Variants in RAD51B observed in about 807,000 individuals in gnomAD.
RAD51B encodes the protein RAD51 paralog B.
A neutral mutation model predicts 42.2 loss-of-function variants in RAD51B; 38 were observed. That is an observed-to-expected ratio of 0.90 (90% CI 0.70 to 1.18). The LOEUF is 1.18. Among genes scored for constraint, RAD51B ranks in the 50% most tolerant of loss-of-function variants. The pLI, the probability that RAD51B is intolerant of heterozygous loss-of-function variation, is 0.00. For missense variants in RAD51B, 373 were observed against 400.7 expected (o/e 0.93, Z 0.59); for synonymous variants, 154 against 145.2 (o/e 1.06, Z -0.43).
intron 7 of RAD51B, among the ~76,000 whole-genome samples, chr14:68,231,430 T>A (rs533910503): frequency 6.6e-6 from 1 of 152,266 alleles, no homozygotes; most frequent in South Asian, 2.1e-4. Flanking sequence ...TTCCTGAAAT[T>A]CCCTCCTTTT....
intron 7 of RAD51B, among the ~76,000 whole-genome samples, chr14:68,154,853 G>C (rs56203256): frequency 3.3e-5 from 5 of 152,162 alleles, no homozygotes; most frequent in African/African-American, 7.2e-5. Flanking sequence ...AAAGTGCTCA[G>C]AGATCTTCCT....
rs1012820255 is a variant in RAD51B at position 68,584,899 on chromosome 14, G to A, written c.1037-9586G>A. On this transcript the variant is annotated intron_variant, in intron 10 of 10. Transcript: ENST00000487270. ...TTCTGAACATGAGGAAACCGAGAGA[G>A]AGGAAGGTTGTTGTAACTTGCCAGG... 3.9e-5 allele frequency among the ~76,000 whole-genome samples: 6 copies of A among 152,344 alleles called. No individual in the cohort carries two copies. The East Asian group carries it at 1.2e-3, about 29-fold the overall frequency.
chr14:67,960,530 A>G (rs2074642226), intron 7 of RAD51B, among the ~76,000 whole-genome samples: 2 of 152,236 alleles, frequency 1.3e-5, no homozygotes, highest in Non-Finnish European at 2.9e-5. Flanking sequence ...TAGCATCAAC[A>G]TGAGTTTAGA....
At chr14:68,059,744 G>A (rs529742928) in intron 7 of RAD51B, among the ~76,000 whole-genome samples, 7 of 152,252 alleles carry the variant, frequency 4.6e-5, no homozygotes, top group Admixed American at 2.0e-4. Context: ...AGTTGTACAT[G>A]TCTTTTTCCC....
At chr14:67,904,591 A>G (rs1050528863) in intron 7 of RAD51B, among the ~76,000 whole-genome samples, 4 of 149,580 alleles carry the variant, frequency 2.7e-5, no homozygotes, top group African/African-American at 9.9e-5. Context: ...GCTCACTGCA[A>G]TCTCTGCCTC....
At chr14:67,968,980 T>C (rs1339144478) in intron 7 of RAD51B, among the ~76,000 whole-genome samples, 1 of 152,026 alleles carries the variant, frequency 6.6e-6, no homozygotes, top group Non-Finnish European at 1.5e-5. Flanking sequence ...AGAATCATGG[T>C]GGGAGGTGAA....
intron 8 of RAD51B, among the ~76,000 whole-genome samples, chr14:68,363,825 T>G (rs2083083299): frequency 6.6e-6 from 1 of 152,208 alleles, no homozygotes. Flanking sequence ...TCAACCACTG[T>G]GCTTCTGTGT....
rs774445854 is a variant in RAD51B, at chr14:68,411,532, G to C, written c.957+5G>C. ...CTTGATTCAGAGAGAAGACAGGTGG[G>C]TGCTTTGACAGTATTCTCTGACTAT... On this transcript the variant is annotated splice_donor_5th_base_variant and intron_variant, in intron 9 of 10. Coordinates refer to ENST00000471583, the MANE Select transcript of RAD51B (RefSeq NM_133510.4). 8.1e-6 allele frequency: 13 copies of C among 1,611,654 alleles called. No individual in the cohort carries two copies. The Middle Eastern group carries it at 1.2e-3, about 143-fold the overall frequency.
At chr14:67,957,941 G>A (rs1291480533) in intron 7 of RAD51B, among the ~76,000 whole-genome samples, 1 of 152,062 alleles carries the variant, frequency 6.6e-6, no homozygotes, top group Non-Finnish European at 1.5e-5. Context: ...AGTAGGATCA[G>A]GAAACAAAAG....
chr14:67,968,635 C>G (rs1224449804), intron 7 of RAD51B, among the ~76,000 whole-genome samples: 1 of 152,172 alleles, frequency 6.6e-6, no homozygotes, highest in Non-Finnish European at 1.5e-5. Context: ...CAACAGGTCC[C>G]TCATCTCCAT....
chr14:68,237,656 C>T (rs2080288109), intron 7 of RAD51B, among the ~76,000 whole-genome samples: 1 of 151,058 alleles, frequency 6.6e-6, no homozygotes, highest in East Asian at 1.9e-4. Flanking sequence ...TTTTTTTCTG[C>T]TTTTTAGCTA....
At chr14:68,440,227 G>C (rs35002968) in intron 9 of RAD51B, among the ~76,000 whole-genome samples, 1 of 152,318 alleles carries the variant, frequency 6.6e-6, no homozygotes, top group South Asian at 2.1e-4. Context: ...TTTTTTGTGA[G>C]GATAGGCATT....
chr14:67,940,100 A>T (rs1595139274), intron 7 of RAD51B, among the ~76,000 whole-genome samples: 1 of 76,752 alleles, frequency 1.3e-5, no homozygotes, highest in South Asian at 5.0e-4. Context: ...TTGAGATGGA[A>T]TCTCACTCTG....
At chr14:68,497,848 C>G (rs1459445264) in intron 10 of RAD51B, 2 of 210,618 alleles carry the variant, frequency 9.5e-6, no homozygotes, top group African/African-American at 4.5e-5. Flanking sequence ...GTACTTCATT[C>G]TTTTTATGGC....
chr14:68,168,902 G>A (rs1345526808), intron 7 of RAD51B, among the ~76,000 whole-genome samples: 1 of 152,020 alleles, frequency 6.6e-6, no homozygotes, highest in Non-Finnish European at 1.5e-5. Context: ...CAAGAACCAG[G>A]CTTAGCAAGG....
In RAD51B at chr14:68,489,039, C is replaced by T. The variant is rs549243124; in HGVS notation, c.1036+20789C>T. Among the ~76,000 whole-genome samples, 3 of 152,258 alleles carry T rather than the reference C, an allele frequency of 2.0e-5. No homozygotes were observed. In the East Asian group the frequency reaches 5.8e-4, roughly 29 times the overall value. On this transcript the variant is annotated intron_variant, in intron 10 of 10. Transcript: ENST00000487270. ...CGCAATCTCAGCTCACCACAACCTC[C>T]ACCTCCCAGGTTCAAGCAATTCTCC...
At chr14:68,543,180 C>T (rs540452110) in intron 10 of RAD51B, among the ~76,000 whole-genome samples, 2 of 152,264 alleles carry the variant, frequency 1.3e-5, no homozygotes, top group Admixed American at 6.5e-5. Context: ...AACAAATAAG[C>T]ATGGTTGTGT....
chr14:68,356,381 GC>G (rs1312804585), intron 8 of RAD51B, among the ~76,000 whole-genome samples: 1 of 149,082 alleles, frequency 6.7e-6, no homozygotes, highest in African/African-American at 2.5e-5. Flanking sequence ...CTTGCAGTGA[GC>G]CGAGGTTGTG....
chr14:68,123,913 A>G (rs1178259320), intron 7 of RAD51B, among the ~76,000 whole-genome samples: 1 of 152,232 alleles, frequency 6.6e-6, no homozygotes, highest in Non-Finnish European at 1.5e-5. Flanking sequence ...AATTTCATTT[A>G]TCCATCTTGG....
Sources: gnomAD v4.1 joint callset for allele counts (sites outside exome capture counted in the v4.1 genomes callset) on GRCh38, gnomAD v4.1.1 for gene constraint, MANE v1.5 for transcripts, NCBI Gene and HGNC (gene_info 2026-07-23, HGNC 2026-07-21) for gene names.